Variants in GPBP1L1 observed in about 807,000 individuals in gnomAD.
GPBP1L1 encodes the protein vasculin-like protein 1.
Under a neutral mutation model 52.5 loss-of-function variants are expected in GPBP1L1, and 23 were observed. The ratio of observed to expected loss-of-function variants is 0.44; its 90% CI spans 0.32 to 0.62. GPBP1L1 has a LOEUF of 0.62. Among genes scored for constraint, GPBP1L1 ranks in the 20% least tolerant of loss-of-function variants. The pLI, the probability that GPBP1L1 is intolerant of heterozygous loss-of-function variation, is 0.06. For missense variants in GPBP1L1, 596 were observed against 579.3 expected, an observed-to-expected ratio of 1.03 and a Z score of -0.30; for synonymous variants, 243 against 203.1, an observed-to-expected ratio of 1.20 and a Z score of -1.67.
At chr1:45,682,009 T>C (rs1010004582) in intron 2 of GPBP1L1, among the ~76,000 whole-genome samples, 1 of 152,220 alleles carries the variant, frequency 6.6e-6, no homozygotes, top group African/African-American at 2.4e-5. Flanking sequence ...TCTACTTCTT[T>C]AAATAGTAAG....
At chr1:45,640,080 A>G in intron 8 of GPBP1L1, 130 bp downstream of exon 8, 1 of 627,838 alleles carries the variant, frequency 1.6e-6, no homozygotes, top group Non-Finnish European at 2.8e-6. Context: ...AGAAAGCTGT[A>G]TACATATAAC....
At chr1:45,655,700 T>C (rs1009613868) in intron 4 of GPBP1L1, 1 of 161,312 alleles carries the variant, frequency 6.2e-6, no homozygotes, top group African/African-American at 2.4e-5. Context: ...ATTCTAAAGT[T>C]TTAGTATTTC....
Position 45,628,388 on chromosome 1 carries a change from T to G in GPBP1L1, c.1293A>C (p.Gly431=). The G allele has an allele frequency of 1.2e-6, 2 of 1,613,916 alleles. No individual in the cohort carries two copies. The highest frequency in any genetic ancestry group is 1.7e-5 in the Admixed American group (1 of 60,004). ...KTEQLRRNGF[G]KNGFLQSRSS... ...TGCGGCTCTGCAAGAAGCCATTCTT[T>G]CCAAAGCCATTTCTTCTCAGCTATG... is the stretch of plus-strand genomic sequence containing the variant. Residue 431 remains glycine (G), a synonymous_variant, in exon 13 of 13, where the codon GGA becomes GGC. Coordinates refer to ENST00000355105, the MANE Select transcript of GPBP1L1 (RefSeq NM_021639.5).
intron 2 of GPBP1L1, among the ~76,000 whole-genome samples, chr1:45,674,187 A>G (rs1645110226): frequency 6.6e-6 from 1 of 152,230 alleles, no homozygotes; most frequent in African/African-American, 2.4e-5. Flanking sequence ...ACATTACATC[A>G]TTAGACCAGC....
intron 2 of GPBP1L1, among the ~76,000 whole-genome samples, chr1:45,671,209 CTTTTTT>C (rs5773890): frequency 1.0e-5 from 1 of 99,826 alleles, no homozygotes; most frequent in Non-Finnish European, 2.0e-5. Context: ...GGCTCTCTGG[CTTTTTT>C]TTTTTTTTTT....
chr1:45,677,344 A>G (rs1003025094), intron 2 of GPBP1L1, among the ~76,000 whole-genome samples: 4 of 77,348 alleles, frequency 5.2e-5, no homozygotes, highest in South Asian at 5.1e-4. Context: ...GTCTCAGGAA[A>G]AAAAAAAAAA....
rs781513638 is a variant in GPBP1L1 at position 45,633,630 on chromosome 1, G to A, written c.903C>T (p.Thr301=). The stretch of plus-strand genomic sequence containing the variant: ...GAGAGGAGCTGATCTCAATTGGAGG[G>A]GTGGTGCTGGAGGGACTCTGGGCAA... ...SSPKESPSST[T]PPIEISSSRL... Residue 301 remains threonine, a synonymous_variant, in exon 10 of 13, where the codon ACC becomes ACT. Transcript: ENST00000355105. The A allele has an allele frequency of 5.6e-6, 9 of 1,613,744 alleles. No individual in the cohort carries two copies. The East Asian group carries it at 1.8e-4, about 32-fold the overall frequency.
chr1:45,662,579 G>A (rs1025005966), intron 2 of GPBP1L1, among the ~76,000 whole-genome samples: 3 of 152,156 alleles, frequency 2.0e-5, no homozygotes, highest in Non-Finnish European at 4.4e-5. Flanking sequence ...ATGGGAATAA[G>A]TTCATAGGAA....
chr1:45,664,423 G>T (rs1644984486), intron 2 of GPBP1L1, among the ~76,000 whole-genome samples: 1 of 151,882 alleles, frequency 6.6e-6, no homozygotes, highest in South Asian at 2.1e-4. Flanking sequence ...AAAATTAGCT[G>T]GGCGTGGTGG....
At chr1:45,680,558 T>TA (rs1553185146) in intron 2 of GPBP1L1, among the ~76,000 whole-genome samples, 6 of 151,600 alleles carry the variant, frequency 4.0e-5, no homozygotes, top group South Asian at 2.1e-4. Context: ...TTTTTTTTTT[T>TA]AAAAAGAATC....
intron 2 of GPBP1L1, among the ~76,000 whole-genome samples, chr1:45,685,133 C>T (rs4439382): frequency 0.28 from 43,048 of 151,540 alleles, 6,239 homozygotes; most frequent in South Asian, 0.37. Flanking sequence ...TACTCCATAC[C>T]TAAAGTATGT....
intron 2 of GPBP1L1, among the ~76,000 whole-genome samples, chr1:45,682,273 T>C (rs1235320963): frequency 6.6e-6 from 1 of 152,230 alleles, no homozygotes; most frequent in East Asian, 1.9e-4. Flanking sequence ...TACCAAACTT[T>C]TAAACTTAAG....
chr1:45,680,690 A>C (rs1645202428), intron 2 of GPBP1L1, among the ~76,000 whole-genome samples: 1 of 152,130 alleles, frequency 6.6e-6, no homozygotes, highest in South Asian at 2.1e-4. Context: ...TAGCTGTGTG[A>C]CTTTGAATAA....
chr1:45,628,708 G>A (rs1414396879), intron 12 of GPBP1L1, among the ~76,000 whole-genome samples: 1 of 152,128 alleles, frequency 6.6e-6, no homozygotes, highest in African/African-American at 2.4e-5. Context: ...CTGTCACCCA[G>A]GCTAGAGTGC....
chr1:45,680,754 T>C (rs534362815), intron 2 of GPBP1L1, among the ~76,000 whole-genome samples: 1 of 152,306 alleles, frequency 6.6e-6, no homozygotes, highest in East Asian at 1.9e-4. Flanking sequence ...GACTCTTGAA[T>C]TGTTGATTAA....
chr1:45,632,690 T>TG (rs1210059346), intron 10 of GPBP1L1, among the ~76,000 whole-genome samples: 1 of 152,186 alleles, frequency 6.6e-6, no homozygotes. Flanking sequence ...CACTCCAGTC[T>TG]GGGTGATAAG....
chr1:45,646,784 C>T (rs1270890439), intron 6 of GPBP1L1, among the ~76,000 whole-genome samples: 2 of 152,024 alleles, frequency 1.3e-5, no homozygotes, highest in Non-Finnish European at 2.9e-5. Flanking sequence ...GTCTCGATCT[C>T]CTGACCTCGT....
At chr1:45,677,204 C>T (rs775127359) in intron 2 of GPBP1L1, among the ~76,000 whole-genome samples, 9 of 151,902 alleles carry the variant, frequency 5.9e-5, no homozygotes, top group African/African-American at 1.2e-4. Context: ...CGCATGGTGG[C>T]GCATGCCTGT....
chr1:45,628,761 T>A (rs1398160524), intron 12 of GPBP1L1, among the ~76,000 whole-genome samples: 1 of 152,180 alleles, frequency 6.6e-6, no homozygotes, highest in Admixed American at 6.5e-5. Context: ...CCTCCTGGGT[T>A]CAAGCGATTC....
Sources: allele counts gnomAD v4.1 joint callset (sites outside exome capture counted in the v4.1 genomes callset), GRCh38; gene constraint gnomAD v4.1.1; transcripts MANE v1.5; gene names NCBI Gene and HGNC (gene_info 2026-07-23, HGNC 2026-07-21).